Variants in FOXP1 observed in about 807,000 individuals in gnomAD.
The protein encoded by FOXP1 is forkhead box protein P1.
A neutral mutation model predicts 98.2 loss-of-function variants in FOXP1; 15 were observed. The ratio of observed to expected loss-of-function variants is 0.15; its 90% CI spans 0.10 to 0.24. The LOEUF (loss-of-function observed/expected upper bound fraction) is 0.24. Among genes scored for constraint, FOXP1 ranks in the 10% least tolerant of loss-of-function variants. The pLI is 1.00. For missense variants in FOXP1, 633 were observed against 848.5 expected (o/e 0.75, Z 3.15); for synonymous variants, 371 against 314.5 (o/e 1.18, Z -1.90).
At position 71,257,145 on chromosome 3, in the gene FOXP1, T is replaced by A. The variant is rs973032551; in HGVS notation, c.-12+42675A>T. Among the ~76,000 whole-genome samples the A allele has an allele frequency of 3.3e-5, 5 of 152,328 alleles. No homozygotes were observed. The South Asian group carries it at 1.0e-3, about 32-fold the overall frequency. ...GAATATAATTCACAATATTGTGATA[T>A]AGTGCTTCTTTGTTATGGGTGCTCC... On this transcript the variant is annotated intron_variant, in intron 5 of 20. Coordinates refer to ENST00000649528, the MANE Select transcript of FOXP1 (RefSeq NM_001349338.3).
intron 3 of FOXP1, among the ~76,000 whole-genome samples, chr3:71,376,960 A>G (rs549859889): frequency 1.3e-5 from 2 of 152,346 alleles, no homozygotes; most frequent in Non-Finnish European, 2.9e-5. Flanking sequence ...CTCAAAAGTG[A>G]GCAAAATGCA....
intron 6 of FOXP1, among the ~76,000 whole-genome samples, chr3:71,135,931 T>C (rs2059802956): frequency 6.6e-6 from 1 of 152,198 alleles, no homozygotes; most frequent in Admixed American, 6.5e-5. Context: ...TGTCAGACTT[T>C]CCCTCCCTTT....
At chr3:71,354,730 C>T (rs982212308) in intron 4 of FOXP1, among the ~76,000 whole-genome samples, 1 of 152,186 alleles carries the variant, frequency 6.6e-6, no homozygotes, top group African/African-American at 2.4e-5. Context: ...TCCCCAAAGC[C>T]TTTGCTGATA....
Position 70,956,346 on chromosome 3 carries a change from G to T in FOXP1, c.*2901C>A, listed in dbSNP as rs1160107791. The T allele has an allele frequency of 2.2e-5, 5 of 228,802 alleles. No individual in the cohort carries two copies. Among genetic ancestry groups the T allele is most frequent in the Non-Finnish European group, 4.3e-5 (5 of 115,706 alleles). The allele number at this position is 228,802 out of a possible 1,614,324, so 14.2% of individuals were successfully genotyped here. On this transcript the variant is annotated 3_prime_UTR_variant, in exon 21 of 21. Coordinates refer to ENST00000649528, the MANE Select transcript of FOXP1 (RefSeq NM_001349338.3). The stretch of plus-strand genomic sequence containing the variant: ...GAAGTTTGCTTGCTGTAAAGCCTGA[G>T]AATTTTTTTTTCAGTTGGTTCTTCT...
At chr3:71,478,125 C>T (rs573408551) in intron 3 of FOXP1, among the ~76,000 whole-genome samples, 1 of 152,220 alleles carries the variant, frequency 6.6e-6, no homozygotes, top group East Asian at 1.9e-4. Flanking sequence ...TAATGTCTTC[C>T]AGATTCCACA....
At chr3:71,152,021 T>C (rs1161920996) in intron 6 of FOXP1, among the ~76,000 whole-genome samples, 1 of 152,350 alleles carries the variant, frequency 6.6e-6, no homozygotes, top group East Asian at 1.9e-4. Context: ...TTTGCAGGTA[T>C]AAAGTCCCTA....
chr3:71,228,893 A>T (rs1363086118), intron 5 of FOXP1, among the ~76,000 whole-genome samples: 1 of 152,056 alleles, frequency 6.6e-6, no homozygotes, highest in Non-Finnish European at 1.5e-5. Flanking sequence ...AAGTAGCTTG[A>T]TATGTGGAAA....
intron 5 of FOXP1, among the ~76,000 whole-genome samples, chr3:71,225,011 C>T (rs2065724432): frequency 6.6e-6 from 1 of 152,100 alleles, no homozygotes; most frequent in African/African-American, 2.4e-5. Context: ...TATACAATAC[C>T]TGCAATAAAA....
intron 4 of FOXP1, among the ~76,000 whole-genome samples, chr3:71,341,885 T>C (rs557175027): frequency 6.6e-6 from 1 of 152,350 alleles, no homozygotes; most frequent in Admixed American, 6.5e-5. Context: ...CTGGAATGTT[T>C]CAAAGTTATT....
intron 4 of FOXP1, among the ~76,000 whole-genome samples, chr3:71,352,035 A>G (rs2077816474): frequency 6.6e-6 from 1 of 152,222 alleles, no homozygotes; most frequent in African/African-American, 2.4e-5. Context: ...AGCAGGGCCT[A>G]TTAGATAGCA....
intron 4 of FOXP1, among the ~76,000 whole-genome samples, chr3:71,331,184 G>A (rs966711056): frequency 3.9e-5 from 6 of 152,216 alleles, no homozygotes; most frequent in African/African-American, 1.2e-4. Flanking sequence ...GTGGGCCAGC[G>A]CGAGTTCTGG....
chr3:71,150,509 C>T (rs1051944290), intron 6 of FOXP1, among the ~76,000 whole-genome samples: 7 of 152,074 alleles, frequency 4.6e-5, no homozygotes, highest in Non-Finnish European at 7.4e-5. Context: ...CCCTGAAACT[C>T]GATACTTATC....
chr3:71,201,953 A>T (rs1432207529), intron 5 of FOXP1, among the ~76,000 whole-genome samples: 1 of 152,218 alleles, frequency 6.6e-6, no homozygotes, highest in East Asian at 1.9e-4. Flanking sequence ...TCCTGATGGA[A>T]GAGAACTGCA....
intron 4 of FOXP1, among the ~76,000 whole-genome samples, chr3:71,317,809 A>G (rs1193100587): frequency 6.6e-6 from 1 of 152,230 alleles, no homozygotes; most frequent in Non-Finnish European, 1.5e-5. Context: ...GAAGAAAAAA[A>G]ACCAGGCTCT....
intron 3 of FOXP1, among the ~76,000 whole-genome samples, chr3:71,488,407 G>A (rs1186094898): frequency 1.3e-5 from 2 of 152,202 alleles, no homozygotes; most frequent in African/African-American, 4.8e-5. Flanking sequence ...GTGGTACTAG[G>A]GAACTGGGGT....
chr3:71,468,251 A>G (rs1317633651), intron 3 of FOXP1, among the ~76,000 whole-genome samples: 1 of 152,160 alleles, frequency 6.6e-6, no homozygotes, highest in African/African-American at 2.4e-5. Context: ...AGGAGTCTGT[A>G]AGAAATTTCC....
intron 2 of FOXP1, among the ~76,000 whole-genome samples, chr3:71,551,392 G>A (rs553333548): frequency 6.6e-6 from 1 of 152,160 alleles, no homozygotes; most frequent in African/African-American, 2.4e-5. Flanking sequence ...AAACGCAAGG[G>A]TAAGGCATAG....
chr3:70,956,211 G>C lies in FOXP1; in HGVS notation c.*3036C>G, dbSNP rs1193843773. On this transcript the variant is annotated 3_prime_UTR_variant, in exon 21 of 21. Coordinates refer to ENST00000649528, the MANE Select transcript of FOXP1 (RefSeq NM_001349338.3). The stretch of plus-strand genomic sequence containing the variant: ...TCTGCCCTCCCCCAAAAAAGACAAA[G>C]ATTCACACAGACACATCGGGATATA... 1.7e-5 allele frequency: 4 copies of C among 233,254 alleles called. No individual in the cohort carries two copies. Among genetic ancestry groups the C allele is most frequent in the Admixed American group, 5.6e-5 (1 of 17,760 alleles). 14.4% of individuals were successfully genotyped at this position (233,254 alleles called of 1,614,324 possible). A position where few individuals can be genotyped will look rare whatever the true frequency, so the allele number is the denominator to read the frequency against.
At chr3:71,091,554 C>T (rs1441703156) in intron 7 of FOXP1, among the ~76,000 whole-genome samples, 1 of 151,876 alleles carries the variant, frequency 6.6e-6, no homozygotes, top group African/African-American at 2.4e-5. Flanking sequence ...TTTACTTGGA[C>T]AAGGTCCCAG....
Sources: allele counts gnomAD v4.1 joint callset (sites outside exome capture counted in the v4.1 genomes callset), GRCh38; gene constraint gnomAD v4.1.1; transcripts MANE v1.5; gene names NCBI Gene and HGNC (gene_info 2026-07-23, HGNC 2026-07-21).